The following DNAJC15 variants were observed in gnomAD, a reference collection of about 807,000 sequenced individuals.
DNAJC15 encodes the protein DnaJ heat shock protein family (Hsp40) member C15, also known as dnaJ homolog subfamily C member 15.
A neutral mutation model predicts 22.4 loss-of-function variants in DNAJC15; 27 were observed. The observed-to-expected ratio is 1.20, with a 90% CI of 0.89 to 1.66. DNAJC15 has a LOEUF of 1.66. Ranked by LOEUF, DNAJC15 falls within the 40% of genes most tolerant of loss-of-function variation. DNAJC15 has a pLI of 0.00. For missense variants in DNAJC15, 208 were observed against 187.1 expected (o/e 1.11, Z -0.65); for synonymous variants, 79 against 63.2 (o/e 1.25, Z -1.19).
chr13:43,065,537 A>G, intron 1 of DNAJC15, 149 bp from the exon 2 acceptor site: 1 of 610,376 alleles, frequency 1.6e-6, no homozygotes, highest in Admixed American at 2.7e-5. Context: ...AATCCCATAG[A>G]CACTGCATAT....
In DNAJC15 at chr13:43,103,228, A is replaced by G. The variant is rs546464776; in HGVS notation, c.383-3950A>G. On this transcript the variant is annotated intron_variant, in intron 5 of 5. Coordinates refer to ENST00000379221, the MANE Select transcript of DNAJC15 (RefSeq NM_013238.3). Reference sequence around the variant, plus strand: ...GTGTTTAATTCTACTATGGTCAGCTAACAGACTCCGTTTCAATGTTTCTGA... The same window carrying G: ...GTGTTTAATTCTACTATGGTCAGCTGACAGACTCCGTTTCAATGTTTCTGA... Among the ~76,000 whole-genome samples the G allele has an allele frequency of 8.5e-5, 13 of 152,314 alleles. 1 individual carries two copies. The South Asian group carries it at 2.3e-3, about 27-fold the overall frequency.
At chr13:43,029,102 A>T (rs2040393307) in intron 1 of DNAJC15, among the ~76,000 whole-genome samples, 1 of 152,186 alleles carries the variant, frequency 6.6e-6, no homozygotes, top group Admixed American at 6.5e-5. Context: ...TATCATTGAC[A>T]CCTGTATTTT....
At chr13:43,023,910 C>T (rs1174906359) in intron 1 of DNAJC15, among the ~76,000 whole-genome samples, 176 bp downstream of exon 1, 1 of 152,204 alleles carries the variant, frequency 6.6e-6, no homozygotes, top group Non-Finnish European at 1.5e-5. Context: ...GACGCCTGGG[C>T]GTGGAAGACG....
chr13:43,089,894 T>C (rs2040706060), intron 5 of DNAJC15, among the ~76,000 whole-genome samples: 4 of 152,250 alleles, frequency 2.6e-5, no homozygotes, highest in Admixed American at 2.6e-4. Context: ...TTTTTCACTT[T>C]GCCAGCCTTT....
intron 1 of DNAJC15, among the ~76,000 whole-genome samples, chr13:43,032,562 G>A (rs969377495): frequency 6.6e-6 from 1 of 152,148 alleles, no homozygotes; most frequent in Admixed American, 6.5e-5. Context: ...GGTGGCTCAC[G>A]CTTGTAATCC....
intron 1 of DNAJC15, among the ~76,000 whole-genome samples, chr13:43,037,408 T>C (rs1005186744): frequency 6.6e-6 from 1 of 152,188 alleles, no homozygotes; most frequent in African/African-American, 2.4e-5. Context: ...GGGATCATTT[T>C]TATGATCAGG....
chr13:43,036,099 T>C (rs546071821), intron 1 of DNAJC15, among the ~76,000 whole-genome samples: 1 of 152,264 alleles, frequency 6.6e-6, no homozygotes, highest in African/African-American at 2.4e-5. Context: ...AACACTATTT[T>C]TCAGATTCCA....
chr13:43,085,462 A>G (rs879210391), intron 4 of DNAJC15, among the ~76,000 whole-genome samples: 1 of 152,196 alleles, frequency 6.6e-6, no homozygotes, highest in Non-Finnish European at 1.5e-5. Flanking sequence ...ACTTAGAAGC[A>G]TAAGTTTTCA....
chr13:43,085,548 A>T (rs1398949342), intron 4 of DNAJC15, among the ~76,000 whole-genome samples: 1 of 152,198 alleles, frequency 6.6e-6, no homozygotes, highest in East Asian at 1.9e-4. Flanking sequence ...ATTGAGAATA[A>T]GGATTGGCAT....
chr13:43,037,730 A>G, intron 1 of DNAJC15, among the ~76,000 whole-genome samples: 1 of 152,204 alleles, frequency 6.6e-6, no homozygotes, highest in Middle Eastern at 3.2e-3. Flanking sequence ...ATATATATGA[A>G]TGCCCTAACT....
chr13:43,024,204 C>G (rs2040367629), intron 1 of DNAJC15, among the ~76,000 whole-genome samples: 2 of 152,030 alleles, frequency 1.3e-5, no homozygotes, highest in South Asian at 2.1e-4. Flanking sequence ...TCCAAAGTCT[C>G]CGGCACAGAA....
intron 1 of DNAJC15, among the ~76,000 whole-genome samples, chr13:43,024,470 A>G (rs1593305559): frequency 6.8e-6 from 1 of 148,080 alleles, no homozygotes; most frequent in African/African-American, 2.5e-5. Flanking sequence ...CAGCCTCCCA[A>G]GTAGCTGGGA....
At chr13:43,063,308 C>A (rs2040568193) in intron 1 of DNAJC15, among the ~76,000 whole-genome samples, 1 of 152,242 alleles carries the variant, frequency 6.6e-6, no homozygotes, top group South Asian at 2.1e-4. Context: ...CCGCGTCCAG[C>A]TTTTATTGAT....
chr13:43,057,809 C>T (rs2040539078), intron 1 of DNAJC15, among the ~76,000 whole-genome samples: 1 of 152,184 alleles, frequency 6.6e-6, no homozygotes, highest in Non-Finnish European at 1.5e-5. Flanking sequence ...ATGTGGTGCA[C>T]TCCCCCTTCC....
intron 1 of DNAJC15, among the ~76,000 whole-genome samples, chr13:43,036,430 A>C (rs570839044): frequency 6.6e-6 from 1 of 152,232 alleles, no homozygotes; most frequent in East Asian, 1.9e-4. Flanking sequence ...TTATGTGCTC[A>C]GAATGGAGGA....
chr13:43,028,681 A>G (rs2040391465), intron 1 of DNAJC15, among the ~76,000 whole-genome samples: 2 of 152,174 alleles, frequency 1.3e-5, no homozygotes, highest in Non-Finnish European at 1.5e-5. Context: ...CTATAGTTAC[A>G]TTAAGTTTCC....
intron 3 of DNAJC15, among the ~76,000 whole-genome samples, chr13:43,071,305 A>G (rs1020076814): frequency 2.0e-5 from 3 of 152,148 alleles, no homozygotes; most frequent in African/African-American, 7.2e-5. Flanking sequence ...TAAGAGTCTG[A>G]GCCTGGTACC....
At position 43,051,653 on chromosome 13, in the gene DNAJC15, GTGTGTGTGTA is replaced by G. The variant is rs1419117450; in HGVS notation, c.109-14031_109-14022del. ...CTTCATGGTGTGTGTGTGTGTGTGT[GTGTGTGTGTA>G]TATATATCACATTTTCTTTATCCGC... On this transcript the variant is annotated intron_variant, in intron 1 of 5. Transcript: ENST00000379221. Among the ~76,000 whole-genome samples, 50 of 92,848 alleles carry G rather than the reference GTGTGTGTGTA, an allele frequency of 5.4e-4. No individual in the cohort carries two copies. The South Asian group carries it at 6.3e-3, about 12-fold the overall frequency. 60.9% of individuals were successfully genotyped at this position (92,848 alleles called of 152,430 possible).
At chr13:43,028,724 A>G (rs191090582) in intron 1 of DNAJC15, among the ~76,000 whole-genome samples, 58 of 152,276 alleles carry the variant, frequency 3.8e-4, no homozygotes, top group African/African-American at 1.3e-3. Context: ...TGACTTTACT[A>G]GAGCTTTCTC....
Sources: allele counts gnomAD v4.1 joint callset (sites outside exome capture counted in the v4.1 genomes callset), GRCh38; gene constraint gnomAD v4.1.1; transcripts MANE v1.5; gene names NCBI Gene and HGNC (gene_info 2026-07-23, HGNC 2026-07-21).